CEP41: variants seen among roughly 807,000 people sequenced by gnomAD.
The protein encoded by CEP41 is centrosomal protein of 41 kDa.
A neutral mutation model predicts 44.3 loss-of-function variants in CEP41; 32 were observed. The ratio of observed to expected loss-of-function variants is 0.72; its 90% confidence interval spans 0.54 to 0.97. The LOEUF is 0.97. Ranked by LOEUF, CEP41 falls within the 50% of genes least tolerant of loss-of-function variation. The pLI is 0.00. For synonymous variants in CEP41, 151 were observed against 168.5 expected (o/e 0.90, Z 0.80); for missense variants, 432 against 455.2 (o/e 0.95, Z 0.46).
At chr7:130,428,380 G>C (rs1321801536) in intron 1 of CEP41, among the ~76,000 whole-genome samples, 1 of 119,218 alleles carries the variant, frequency 8.4e-6, no homozygotes, top group Admixed American at 1.1e-4. Context: ...GGTGAGGTGA[G>C]ATTATGCCAC....
At chr7:130,414,064 C>T (rs568828498) in intron 3 of CEP41, among the ~76,000 whole-genome samples, 1 of 152,306 alleles carries the variant, frequency 6.6e-6, no homozygotes, top group East Asian at 1.9e-4. Flanking sequence ...TTTCCAAAAA[C>T]CAGCACAGAC....
At chr7:130,428,146 G>A (rs781946387) in intron 1 of CEP41, 128 bp from the exon 2 acceptor site, 73 of 707,574 alleles carry the variant, frequency 1.0e-4, no homozygotes, top group South Asian at 5.6e-4. Context: ...AGATGGTGCC[G>A]GGCATGGTGG....
In CEP41 at chr7:130,393,927, G is replaced by A. The variant is rs1184033600; in HGVS notation, c.*4964C>T. ...CAGACAAAATAACCTCGGAAGCCCT[G>A]GAGCACCTGTCTTCAAGATAAGACA... On this transcript the variant is annotated 3_prime_UTR_variant, in exon 11 of 11. Coordinates refer to ENST00000223208, the MANE Select transcript of CEP41 (RefSeq NM_018718.3). 8.8e-6 allele frequency: 4 copies of A among 453,978 alleles called. No homozygotes were observed. Among genetic ancestry groups the A allele is most frequent in the East Asian group, 6.9e-5 (1 of 14,412 alleles). 28.1% of individuals were successfully genotyped at this position (453,978 alleles called of 1,614,324 possible). A position where few individuals can be genotyped will look rare whatever the true frequency, so the allele number is the denominator to read the frequency against.
chr7:130,410,850 C>G (rs1797161315), intron 5 of CEP41: 1 of 507,046 alleles, frequency 2.0e-6, no homozygotes, highest in Admixed American at 3.2e-5. Context: ...ACAAAGAATG[C>G]TAAAAATATT....
At chr7:130,424,523 T>C (rs1797602868) in intron 2 of CEP41, among the ~76,000 whole-genome samples, 2 of 152,116 alleles carry the variant, frequency 1.3e-5, no homozygotes, top group Admixed American at 6.5e-5. Flanking sequence ...ACATGGATCA[T>C]GGGATCAGAA....
intron 2 of CEP41, among the ~76,000 whole-genome samples, chr7:130,423,010 C>T (rs1797554889): frequency 6.6e-6 from 1 of 152,202 alleles, no homozygotes; most frequent in African/African-American, 2.4e-5. Flanking sequence ...GCAGTAGCGC[C>T]TTCTTGGCTC....
At chr7:130,421,384 G>A in intron 2 of CEP41, 1 of 985,432 alleles carries the variant, frequency 1.0e-6, no homozygotes, top group Non-Finnish European at 1.2e-6. Flanking sequence ...GCTTGGAAGA[G>A]CAGAAAGCAT....
chr7:130,428,914 A>AAAATAAAT (rs576364646), intron 1 of CEP41, among the ~76,000 whole-genome samples: 37 of 150,652 alleles, frequency 2.5e-4, no homozygotes, highest in African/African-American at 3.4e-4. Flanking sequence ...CTGTCTCAAA[A>AAAATAAAT]AAATAAATAA....
intron 2 of CEP41, among the ~76,000 whole-genome samples, chr7:130,425,155 G>A (rs150928884): frequency 1.9e-3 from 295 of 152,284 alleles, no homozygotes; most frequent in African/African-American, 7.0e-3. Context: ...GGCTGGGTGC[G>A]GTGGCTCATG....
In CEP41 at chr7:130,394,225, C is replaced by G. The variant is rs1554413580; in HGVS notation, c.*4666G>C. 2.2e-6 allele frequency: 1 copy of G among 454,066 alleles called. No individual in the cohort carries two copies. Among genetic ancestry groups the G allele is most frequent in the Admixed American group, 2.3e-5 (1 of 42,580 alleles). 28.1% of individuals were successfully genotyped at this position (454,066 alleles called of 1,614,324 possible). A position where few individuals can be genotyped will look rare whatever the true frequency, so the allele number is the denominator to read the frequency against. On this transcript the variant is annotated 3_prime_UTR_variant, in exon 11 of 11. Coordinates refer to ENST00000223208, the MANE Select transcript of CEP41 (RefSeq NM_018718.3). ...GAACACCCTCTGGAGCCACAGTTCT[C>G]AGGCTGGCTCCTGGCTTTTCAAACC...
intron 2 of CEP41, among the ~76,000 whole-genome samples, chr7:130,427,327 G>A (rs1429231926): frequency 6.6e-6 from 1 of 152,008 alleles, no homozygotes; most frequent in African/African-American, 2.4e-5. Flanking sequence ...ATCCACTAGG[G>A]TCTGGGCAGC....
intron 5 of CEP41, among the ~76,000 whole-genome samples, chr7:130,405,320 G>T (rs1554417999): frequency 6.6e-6 from 1 of 152,124 alleles, no homozygotes; most frequent in Non-Finnish European, 1.5e-5. Flanking sequence ...CACCATTTTT[G>T]CTTGGAAGAA....
Position 130,402,680 on chromosome 7 carries a change from C to T in CEP41, c.542G>A (p.Arg181Lys). ...CPFLLLDVRD[R>K]DSYQQCHIVG... ...AATGTGGCACTGCTGGTAAGAATCT[C>T]TATCACGCACATCTAGCAGCAGGAA... The change falls in exon 7 of 11, where the codon AGA becomes AAA. Residue 181 changes from arginine (R) to lysine (K), a missense_variant. Physicochemically the swap from Arg to Lys is conservative, Grantham distance 26. Coordinates refer to ENST00000223208, the MANE Select transcript of CEP41 (RefSeq NM_018718.3). 6.2e-7 allele frequency: 1 copy of T among 1,614,134 alleles called. No homozygotes were observed. Among genetic ancestry groups the T allele is most frequent in the Non-Finnish European group, 8.5e-7 (1 of 1,180,020 alleles).
intron 1 of CEP41, among the ~76,000 whole-genome samples, chr7:130,440,165 G>A (rs1343641433): frequency 1.3e-5 from 2 of 152,018 alleles, no homozygotes; most frequent in Admixed American, 6.6e-5. Context: ...GATTACAGGC[G>A]CCTCACCACC....
At position 130,420,112 on chromosome 7, in the gene CEP41, A is replaced by G. The variant is rs570258217; in HGVS notation, c.98-3146T>C. 73 of 978,300 alleles carry G rather than the reference A, an allele frequency of 7.5e-5. No homozygotes were observed. The South Asian group carries it at 3.0e-3, about 40-fold the overall frequency. 60.6% of individuals were successfully genotyped at this position (978,300 alleles called of 1,614,324 possible). On this transcript the variant is annotated intron_variant, in intron 2 of 10. Coordinates refer to ENST00000223208, the MANE Select transcript of CEP41 (RefSeq NM_018718.3). ...TGAGGAGGCAGGATTGCTTGAGCCC[A>G]GGAGTTCCGGACCAGCCTGGGCAAA... is the stretch of plus-strand genomic sequence containing the variant.
At chr7:130,421,183 A>T (rs1562990065) in intron 2 of CEP41, 3 of 985,300 alleles carry the variant, frequency 3.0e-6, no homozygotes, top group Non-Finnish European at 3.6e-6. Flanking sequence ...GTCATTCATT[A>T]GATTTTTTCC....
At chr7:130,430,974 T>A (rs546416237) in intron 1 of CEP41, among the ~76,000 whole-genome samples, 1 of 152,246 alleles carries the variant, frequency 6.6e-6, no homozygotes, top group South Asian at 2.1e-4. Context: ...TGTGGACAGC[T>A]GCAGTGGCTG....
chr7:130,394,506 G>A lies in CEP41; in HGVS notation c.*4385C>T, dbSNP rs556578226. 220 of 454,080 alleles carry A rather than the reference G, an allele frequency of 4.8e-4. 5 individuals carry two copies. Among genetic ancestry groups the A allele is most frequent in the South Asian group, 2.8e-3 (181 of 64,478 alleles). The allele number at this position is 454,080 out of a possible 1,614,324, so 28.1% of individuals were successfully genotyped here. A position where few individuals can be genotyped will look rare whatever the true frequency, so the allele number is the denominator to read the frequency against. The stretch of plus-strand genomic sequence containing the variant: ...GATGGGGGTGGTGTGTGACCTTTGC[G>A]TGCTGAATTTGGGAGGATACTTTAA... On this transcript the variant is annotated 3_prime_UTR_variant, in exon 11 of 11. Coordinates refer to ENST00000223208, the MANE Select transcript of CEP41 (RefSeq NM_018718.3).
chr7:130,425,588 T>C (rs10260920), intron 2 of CEP41, among the ~76,000 whole-genome samples: 78,306 of 152,010 alleles, frequency 0.52, 20,356 homozygotes, highest in African/African-American at 0.57. Context: ...TAAAAAACAG[T>C]TTGGCATTTT....
Sources: gnomAD v4.1 joint callset for allele counts (sites outside exome capture counted in the v4.1 genomes callset) on GRCh38, gnomAD v4.1.1 for gene constraint, MANE v1.5 for transcripts, NCBI Gene and HGNC (gene_info 2026-07-23, HGNC 2026-07-21) for gene names.